NCAM2: variants seen among roughly 807,000 people sequenced by gnomAD.
The protein encoded by NCAM2 is N-CAM-2.
NCAM2 carries 30 observed loss-of-function variants against 98.1 expected under a neutral mutation model. The ratio of observed to expected loss-of-function variants is 0.31; its 90% CI spans 0.23 to 0.41. The LOEUF (loss-of-function observed/expected upper bound fraction) is 0.41. NCAM2 is among the 10% of genes least tolerant of loss of function. NCAM2 has a pLI of 1.00. For missense variants in NCAM2, 867 were observed against 1,005.8 expected, an observed-to-expected ratio of 0.86 and a Z score of 1.87; for synonymous variants, 368 against 342.4, an observed-to-expected ratio of 1.07 and a Z score of -0.83.
At chr21:21,430,798 A>C (rs1470981158) in intron 11 of NCAM2, among the ~76,000 whole-genome samples, 1 of 152,042 alleles carries the variant, frequency 6.6e-6, no homozygotes, top group Non-Finnish European at 1.5e-5. Flanking sequence ...CTGTAATCCC[A>C]GCACTTTGGG....
At chr21:21,519,549 A>G (rs1988898005) in intron 16 of NCAM2, among the ~76,000 whole-genome samples, 1 of 146,238 alleles carries the variant, frequency 6.8e-6, no homozygotes, top group Non-Finnish European at 1.5e-5. Context: ...TGTGCTGTTT[A>G]TTTTTATATA....
chr21:21,068,249 C>CGG (rs1363255228), intron 1 of NCAM2, among the ~76,000 whole-genome samples: 1 of 149,752 alleles, frequency 6.7e-6, no homozygotes, highest in Non-Finnish European at 1.5e-5. Flanking sequence ...TCTCCTGCCT[C>CGG]ATCCTCTAGA....
In NCAM2 at chr21:21,400,374, C is replaced by G. The variant is rs528402218; in HGVS notation, c.1196-9900C>G. 5.3e-5 allele frequency among the ~76,000 whole-genome samples: 8 copies of G among 152,142 alleles called. No individual in the cohort carries two copies. In the East Asian group the frequency reaches 1.5e-3, roughly 29 times the overall value. On this transcript the variant is annotated intron_variant, in intron 9 of 17. Transcript: ENST00000400546. ...GATAACAGCTAAAAGAGCATAGTTCCTTGTTTTTAATGTCTGTAGACACAT... is the reference window on the plus strand; with the variant it reads ...GATAACAGCTAAAAGAGCATAGTTCGTTGTTTTTAATGTCTGTAGACACAT...
chr21:21,087,465 T>A (rs1415938644), intron 1 of NCAM2, among the ~76,000 whole-genome samples: 3 of 152,194 alleles, frequency 2.0e-5, no homozygotes. Flanking sequence ...CCTCCTGGGT[T>A]CTGATAACCT....
chr21:21,413,750 G>A (rs983416085), intron 10 of NCAM2, among the ~76,000 whole-genome samples: 2 of 152,160 alleles, frequency 1.3e-5, no homozygotes, highest in African/African-American at 4.8e-5. Context: ...CATTGGTGAA[G>A]CGTTTTGTCG....
chr21:21,017,380 C>A (rs1260171109), intron 1 of NCAM2, among the ~76,000 whole-genome samples: 1 of 139,262 alleles, frequency 7.2e-6, no homozygotes, highest in African/African-American at 2.7e-5. Flanking sequence ...GAACAGATAT[C>A]ACGCCACTGC....
At chr21:21,254,886 C>G (rs1029012169) in intron 1 of NCAM2, among the ~76,000 whole-genome samples, 2 of 140,568 alleles carry the variant, frequency 1.4e-5, no homozygotes, top group African/African-American at 5.5e-5. Flanking sequence ...TATGTACCCA[C>G]TGGATAATAG....
intron 9 of NCAM2, among the ~76,000 whole-genome samples, chr21:21,381,838 T>C (rs1445236090): frequency 6.6e-6 from 1 of 151,980 alleles, no homozygotes; most frequent in Admixed American, 6.6e-5. Flanking sequence ...AGATCCCAAT[T>C]TTTTTTCATC....
At position 21,540,605 on chromosome 21, in the gene NCAM2, TAAAC is replaced by T. The variant is rs1489253271; in HGVS notation, c.*2654_*2657del. ...AACCTGTTTCATTCTTATTCTAGAT[TAAAC>T]AAACATATACATATAACCATATAAA... is the stretch of plus-strand genomic sequence containing the variant. On this transcript the variant is annotated 3_prime_UTR_variant, in exon 18 of 18. Transcript: ENST00000400546. 1 of 152,104 alleles carries T rather than the reference TAAAC, an allele frequency of 6.6e-6. No homozygotes were observed. The highest frequency in any genetic ancestry group is 1.5e-5 in the Non-Finnish European group (1 of 67,990). The allele number at this position is 152,104 out of a possible 1,614,324, so 9.4% of individuals were successfully genotyped here. A position where few individuals can be genotyped will look rare whatever the true frequency, so the allele number is the denominator to read the frequency against.
At chr21:21,138,790 T>A (rs1318900046) in intron 1 of NCAM2, among the ~76,000 whole-genome samples, 2 of 152,168 alleles carry the variant, frequency 1.3e-5, no homozygotes, top group Non-Finnish European at 2.9e-5. Flanking sequence ...ATATATATAT[T>A]TTTTGCTTCA....
At chr21:21,264,896 G>A (rs112519866) in intron 1 of NCAM2, among the ~76,000 whole-genome samples, 3 of 42,354 alleles carry the variant, frequency 7.1e-5, no homozygotes, top group Admixed American at 2.9e-4. Flanking sequence ...ATATATGTGT[G>A]TGTATATATA....
intron 15 of NCAM2, among the ~76,000 whole-genome samples, chr21:21,480,149 G>C (rs979178035): frequency 6.6e-6 from 1 of 151,802 alleles, no homozygotes; most frequent in Non-Finnish European, 1.5e-5. Flanking sequence ...GGCGGATCAC[G>C]AGGTCAGGAG....
intron 1 of NCAM2, 50 bp from the exon 2 acceptor site, chr21:21,280,528 A>G (rs1282644068): frequency 1.5e-6 from 2 of 1,330,486 alleles, no homozygotes; most frequent in Non-Finnish European, 2.1e-6. Context: ...TTAAAATCTT[A>G]GAAATCACGC....
intron 10 of NCAM2, among the ~76,000 whole-genome samples, chr21:21,412,495 G>C (rs2076907653): frequency 1.3e-5 from 2 of 148,918 alleles, no homozygotes; most frequent in South Asian, 2.1e-4. Flanking sequence ...ACTTCATCTT[G>C]ACATTTTTTA....
chr21:21,017,657 G>A (rs2064341094), intron 1 of NCAM2, among the ~76,000 whole-genome samples: 1 of 152,060 alleles, frequency 6.6e-6, no homozygotes, highest in African/African-American at 2.4e-5. Flanking sequence ...TCAAAAGTTA[G>A]GGTAATACAA....
intron 12 of NCAM2, among the ~76,000 whole-genome samples, chr21:21,447,857 C>T (rs1980423706): frequency 6.6e-6 from 1 of 152,086 alleles, no homozygotes; most frequent in South Asian, 2.1e-4. Context: ...CCATCTCACA[C>T]TCGCCAGAAT....
At chr21:21,245,746 T>A (rs889884014) in intron 1 of NCAM2, among the ~76,000 whole-genome samples, 6 of 152,150 alleles carry the variant, frequency 3.9e-5, no homozygotes, top group African/African-American at 1.4e-4. Flanking sequence ...CTCAGTTACA[T>A]TATTTCTTTC....
chr21:21,520,889 G>A (rs1389536972), intron 16 of NCAM2, among the ~76,000 whole-genome samples: 1 of 152,130 alleles, frequency 6.6e-6, no homozygotes. Context: ...GGATGACTTA[G>A]TCATAGGAGG....
chr21:21,414,248 TG>T (rs1395627405), intron 10 of NCAM2, among the ~76,000 whole-genome samples: 1 of 152,198 alleles, frequency 6.6e-6, no homozygotes, highest in African/African-American at 2.4e-5. Context: ...ACTGAAGTCT[TG>T]AACCCCTCAA....
Sources: gnomAD v4.1 joint callset for allele counts (sites outside exome capture counted in the v4.1 genomes callset) on GRCh38, gnomAD v4.1.1 for gene constraint, MANE v1.5 for transcripts, NCBI Gene and HGNC (gene_info 2026-07-23, HGNC 2026-07-21) for gene names.